Variants in GRIN2A observed in about 807,000 individuals in gnomAD.
The protein encoded by GRIN2A is glutamate ionotropic receptor NMDA type subunit 2A.
A neutral mutation model predicts 113.4 loss-of-function variants in GRIN2A; 22 were observed. The ratio of observed to expected loss-of-function variants is 0.19; its 90% confidence interval spans 0.14 to 0.28. The LOEUF (loss-of-function observed/expected upper bound fraction) is 0.28. Among genes scored for constraint, GRIN2A ranks in the 10% least tolerant of loss-of-function variants. GRIN2A has a pLI of 1.00. For missense variants in GRIN2A, 1,502 were observed against 1,887.0 expected (o/e 0.80, Z 3.78); for synonymous variants, 827 against 738.4 (o/e 1.12, Z -1.94).
chr16:9,970,022 C>G (rs987710080), intron 2 of GRIN2A, among the ~76,000 whole-genome samples: 1 of 152,182 alleles, frequency 6.6e-6, no homozygotes, highest in Non-Finnish European at 1.5e-5. Flanking sequence ...CTTATACACA[C>G]TACAGTTCAA....
Position 9,754,015 on chromosome 16 carries a change from T to A in GRIN2A, c.*9134A>T, listed in dbSNP as rs1363305251. On this transcript the variant is annotated 3_prime_UTR_variant, in exon 13 of 13. Transcript: ENST00000330684. ...ACCAGCTTGTGTATTATGCAACAAG[T>A]CATATTATTAATACGTGAGTGAAAA... 5.5e-6 allele frequency: 1 copy of A among 181,830 alleles called. No homozygotes were observed. The highest frequency in any genetic ancestry group is 2.4e-5 in the African/African-American group (1 of 42,492). 11.3% of individuals were successfully genotyped at this position (181,830 alleles called of 1,614,324 possible).
chr16:10,085,255 A>C (rs953071287), intron 2 of GRIN2A, among the ~76,000 whole-genome samples: 4 of 152,174 alleles, frequency 2.6e-5, no homozygotes, highest in African/African-American at 9.7e-5. Context: ...ATCCAGCAGA[A>C]ACCAGAGGCA....
intron 3 of GRIN2A, among the ~76,000 whole-genome samples, chr16:9,908,377 G>T (rs2044068406): frequency 6.6e-6 from 1 of 150,532 alleles, no homozygotes; most frequent in Admixed American, 6.6e-5. Flanking sequence ...GTTTTGTTTT[G>T]TTTTTCTGTA....
chr16:9,762,724 C>A lies in GRIN2A; in HGVS notation c.*425G>T. On this transcript the variant is annotated 3_prime_UTR_variant, in exon 13 of 13. Transcript: ENST00000330684. ...GTCTGTGTCAGGTTTACATGCACACCATATTGCTTATTCTGTATTAGAGAA... is the reference window on the plus strand; with the variant it reads ...GTCTGTGTCAGGTTTACATGCACACAATATTGCTTATTCTGTATTAGAGAA... The A allele has an allele frequency of 3.1e-6, 1 of 325,862 alleles. No individual in the cohort carries two copies. The highest frequency in any genetic ancestry group is 5.7e-6 in the Non-Finnish European group (1 of 175,528). The allele number at this position is 325,862 out of a possible 1,614,324, so 20.2% of individuals were successfully genotyped here.
At position 9,822,515 on chromosome 16, in the gene GRIN2A, A is replaced by C. The variant is rs895562317; in HGVS notation, c.2008-91T>G. On this transcript the variant is annotated intron_variant, in intron 9 of 12. Coordinates refer to ENST00000330684, the MANE Select transcript of GRIN2A (RefSeq NM_001134407.3). ...GAGAACAAATAATAAATTAGTGATC[A>C]TTTTGTCTGGTGTTAGGAGGTAAAT... The C allele has an allele frequency of 3.4e-6, 3 of 875,422 alleles. No individual in the cohort carries two copies. The East Asian group carries it at 7.6e-5, about 22-fold the overall frequency. 54.2% of individuals were successfully genotyped at this position (875,422 alleles called of 1,614,324 possible).
intron 4 of GRIN2A, among the ~76,000 whole-genome samples, chr16:9,888,553 T>A (rs1389129986): frequency 1.3e-5 from 2 of 152,014 alleles, no homozygotes; most frequent in African/African-American, 4.8e-5. Context: ...GTTGTCATAA[T>A]CATTGATCAA....
At chr16:9,906,461 C>T (rs2044029980) in intron 3 of GRIN2A, among the ~76,000 whole-genome samples, 1 of 152,222 alleles carries the variant, frequency 6.6e-6, no homozygotes, top group African/African-American at 2.4e-5. Flanking sequence ...CCCCCACGAA[C>T]CCTGGAGGGC....
intron 2 of GRIN2A, among the ~76,000 whole-genome samples, chr16:10,009,301 C>G (rs3848329): frequency 0.33 from 50,301 of 151,932 alleles, 9,123 homozygotes; most frequent in Non-Finnish European, 0.4. Context: ...CTATTCAAAA[C>G]AAATAAATAT....
chr16:10,169,654 G>C (rs1234556490), intron 2 of GRIN2A, among the ~76,000 whole-genome samples: 1 of 152,190 alleles, frequency 6.6e-6, no homozygotes, highest in Non-Finnish European at 1.5e-5. Flanking sequence ...GGAAGGATCT[G>C]AGTCCTCAAT....
intron 2 of GRIN2A, among the ~76,000 whole-genome samples, chr16:9,981,608 G>A (rs1462368068): frequency 6.6e-6 from 1 of 151,908 alleles, no homozygotes; most frequent in African/African-American, 2.4e-5. Context: ...AAAAGTCAAG[G>A]ACTCCTTTTT....
At chr16:10,134,566 T>G (rs765605275) in intron 2 of GRIN2A, among the ~76,000 whole-genome samples, 1 of 152,088 alleles carries the variant, frequency 6.6e-6, no homozygotes, top group African/African-American at 2.4e-5. Flanking sequence ...ACAGGGGACA[T>G]GTATACCTAT....
intron 11 of GRIN2A, among the ~76,000 whole-genome samples, chr16:9,796,568 G>C (rs928833818): frequency 6.6e-6 from 1 of 152,244 alleles, no homozygotes; most frequent in Non-Finnish European, 1.5e-5. Flanking sequence ...GATGTTAGCA[G>C]ACGTGAACGT....
intron 2 of GRIN2A, among the ~76,000 whole-genome samples, chr16:10,103,057 A>T (rs1186670945): frequency 6.6e-6 from 1 of 152,220 alleles, no homozygotes; most frequent in Non-Finnish European, 1.5e-5. Flanking sequence ...AAGCTCAAAG[A>T]CTAGCTGGAA....
rs530523604 is a variant in GRIN2A at position 10,048,938 on chromosome 16, G to T, written c.415-110387C>A. Among the ~76,000 whole-genome samples, 15 of 152,270 alleles carry T rather than the reference G, an allele frequency of 9.9e-5. No homozygotes were observed. The South Asian group carries it at 2.9e-3, about 30-fold the overall frequency. ...TCCTGCTGACGTGGAGGAAGGAGCC[G>T]AGGGAGAGATCTCTCTGGCCCCAGC... On this transcript the variant is annotated intron_variant, in intron 2 of 12. Coordinates refer to ENST00000330684, the MANE Select transcript of GRIN2A (RefSeq NM_001134407.3).
intron 2 of GRIN2A, among the ~76,000 whole-genome samples, chr16:9,939,426 G>A (rs1474013791): frequency 6.6e-6 from 1 of 152,144 alleles, no homozygotes; most frequent in Non-Finnish European, 1.5e-5. Flanking sequence ...GCATAAGGGA[G>A]AGTCACTGAA....
intron 4 of GRIN2A, among the ~76,000 whole-genome samples, chr16:9,850,490 G>A (rs1767053131): frequency 6.6e-6 from 1 of 152,092 alleles, no homozygotes; most frequent in Non-Finnish European, 1.5e-5. Flanking sequence ...ACTCCATATT[G>A]TTTCTAAGTA....
intron 12 of GRIN2A, among the ~76,000 whole-genome samples, chr16:9,765,757 TGTGA>T (rs1254943096): frequency 6.6e-6 from 1 of 152,190 alleles, no homozygotes; most frequent in Non-Finnish European, 1.5e-5. Flanking sequence ...TTTGTTTGTG[TGTGA>T]GTCTATTCAA....
intron 12 of GRIN2A, among the ~76,000 whole-genome samples, chr16:9,766,269 T>C (rs987030466): frequency 5.9e-5 from 9 of 152,216 alleles, no homozygotes; most frequent in African/African-American, 2.2e-4. Flanking sequence ...ACTCTGATAA[T>C]GGTGGCTCCA....
intron 9 of GRIN2A, among the ~76,000 whole-genome samples, chr16:9,824,697 C>T (rs2042354051): frequency 1.3e-5 from 2 of 152,264 alleles, no homozygotes; most frequent in South Asian, 2.1e-4. Context: ...ACTCACAATA[C>T]GTTTCCCATC....
Sources: gnomAD v4.1 joint callset for allele counts (sites outside exome capture counted in the v4.1 genomes callset) on GRCh38, gnomAD v4.1.1 for gene constraint, MANE v1.5 for transcripts, NCBI Gene and HGNC (gene_info 2026-07-23, HGNC 2026-07-21) for gene names.